Variants in NTM observed in about 807,000 individuals in gnomAD.
NTM encodes neurotrimin, also known as IgLON family member 2.
NTM carries 13 observed loss-of-function variants against 42.1 expected under a neutral mutation model. The ratio of observed to expected loss-of-function variants is 0.31; its 90% CI spans 0.20 to 0.49. NTM has a LOEUF of 0.49. NTM is among the 20% of genes least tolerant of loss of function. The probability of loss-of-function intolerance (pLI) is 0.99; values close to 1 mark genes in which losing one functional copy is unlikely to be tolerated. For synonymous variants in NTM, 187 were observed against 179.2 expected, an observed-to-expected ratio of 1.04 and a Z score of -0.35; for missense variants, 373 against 452.8, an observed-to-expected ratio of 0.82 and a Z score of 1.60.
chr11:131,851,137 T>G (rs78303680), intron 1 of NTM, among the ~76,000 whole-genome samples: 2,248 of 152,244 alleles, frequency 0.015, 51 homozygotes, highest in African/African-American at 0.05. Flanking sequence ...TATTATGAGT[T>G]CAGGTCATAT....
chr11:131,910,984 G>A, intron 1 of NTM: 18 of 997,482 alleles, frequency 1.8e-5, no homozygotes, highest in Non-Finnish European at 2.2e-5. Context: ...TTGTTTTCCG[G>A]TGGCGAGCCC....
chr11:131,445,146 TA>T (rs1363043428), intron 1 of NTM, among the ~76,000 whole-genome samples: 2 of 152,232 alleles, frequency 1.3e-5, no homozygotes, highest in African/African-American at 4.8e-5. Flanking sequence ...GAATTAGTGA[TA>T]ATATTTAACT....
At chr11:132,059,022 A>C (rs914143034) in intron 2 of NTM, among the ~76,000 whole-genome samples, 1 of 152,346 alleles carries the variant, frequency 6.6e-6, no homozygotes, top group Non-Finnish European at 1.5e-5. Flanking sequence ...TCCTTTCACA[A>C]AAGTTTTAAG....
At chr11:131,966,120 G>A (rs932968496) in intron 2 of NTM, among the ~76,000 whole-genome samples, 2 of 152,164 alleles carry the variant, frequency 1.3e-5, no homozygotes, top group East Asian at 1.9e-4. Flanking sequence ...TTGCATTTGT[G>A]TGATAAAAAA....
intron 4 of NTM, among the ~76,000 whole-genome samples, chr11:132,227,638 G>A (rs774517372): frequency 6.6e-6 from 1 of 152,104 alleles, no homozygotes; most frequent in Non-Finnish European, 1.5e-5. Flanking sequence ...ATTGGCCTCT[G>A]CTTTTTGAGC....
At chr11:131,773,942 AAG>A in intron 1 of NTM, 1 of 915,656 alleles carries the variant, frequency 1.1e-6, no homozygotes, top group Non-Finnish European at 1.3e-6. Context: ...CAATTCCCAC[AAG>A]TGTGTTAAAG....
At chr11:131,475,735 T>A (rs906103004) in intron 1 of NTM, among the ~76,000 whole-genome samples, 2 of 152,180 alleles carry the variant, frequency 1.3e-5, no homozygotes, top group Non-Finnish European at 2.9e-5. Flanking sequence ...AGATTGTTTG[T>A]TTAATGGGAT....
intron 3 of NTM, among the ~76,000 whole-genome samples, chr11:132,208,764 C>T (rs762955190): frequency 2.6e-5 from 4 of 152,214 alleles, no homozygotes; most frequent in African/African-American, 4.8e-5. Context: ...ACTTTAAGCA[C>T]ACTTCCAACT....
chr11:131,663,707 C>T (rs1272288657), intron 1 of NTM: 1 of 152,212 alleles, frequency 6.6e-6, no homozygotes, highest in Non-Finnish European at 1.5e-5. Flanking sequence ...GGTTCCCACT[C>T]TCTCTTTGGA....
intron 2 of NTM, among the ~76,000 whole-genome samples, chr11:131,934,736 G>T (rs1264022016): frequency 6.6e-6 from 1 of 152,208 alleles, no homozygotes; most frequent in African/African-American, 2.4e-5. Context: ...GGCCCAGCAA[G>T]GATCTGAGAG....
chr11:131,419,736 G>A (rs1485868396), intron 1 of NTM, among the ~76,000 whole-genome samples: 4 of 152,160 alleles, frequency 2.6e-5, no homozygotes, highest in Admixed American at 2.0e-4. Flanking sequence ...ATTGGAGGGA[G>A]GGATGGAGGT....
intron 2 of NTM, among the ~76,000 whole-genome samples, chr11:131,980,604 A>T (rs188562630): frequency 6.6e-6 from 1 of 152,342 alleles, no homozygotes; most frequent in African/African-American, 2.4e-5. Context: ...CCACACTTTC[A>T]AAAACAAGTG....
intron 1 of NTM, among the ~76,000 whole-genome samples, chr11:131,630,608 C>T (rs2063557627): frequency 6.6e-6 from 1 of 152,148 alleles, no homozygotes; most frequent in South Asian, 2.1e-4. Flanking sequence ...ATGTGATCTA[C>T]AGTCAGAGGA....
At chr11:131,959,870 G>T (rs529448972) in intron 2 of NTM, among the ~76,000 whole-genome samples, 1 of 152,272 alleles carries the variant, frequency 6.6e-6, no homozygotes, top group African/African-American at 2.4e-5. Flanking sequence ...AGACAATCAT[G>T]GTCCAGGTGA....
chr11:132,046,562 A>C (rs2078030219), intron 2 of NTM, among the ~76,000 whole-genome samples: 1 of 152,206 alleles, frequency 6.6e-6, no homozygotes, highest in African/African-American at 2.4e-5. Flanking sequence ...ATAAAAAATT[A>C]AGCAGCAAGC....
intron 4 of NTM, among the ~76,000 whole-genome samples, chr11:132,214,957 C>A (rs1443563343): frequency 1.3e-5 from 2 of 152,210 alleles, no homozygotes; most frequent in African/African-American, 4.8e-5. Context: ...CAGAACTCAC[C>A]AGAGTGCCAT....
In NTM at chr11:131,916,599, G is replaced by C. The variant is rs145766129; in HGVS notation, c.167+4951G>C. On this transcript the variant is annotated intron_variant, in intron 2 of 8. Transcript: ENST00000683400. ...GAGAGGACGCGGGAGTCACCCTCTA[G>C]ATGAAGGAAGCTGCGGCACTTTGCT... is the stretch of plus-strand genomic sequence containing the variant. Among the ~76,000 whole-genome samples, 24 of 152,278 alleles carry C rather than the reference G, an allele frequency of 1.6e-4. No homozygotes were observed. In the East Asian group the frequency reaches 4.6e-3, roughly 29 times the overall value.
intron 1 of NTM, among the ~76,000 whole-genome samples, chr11:131,423,418 C>T (rs927292658): frequency 1.3e-5 from 2 of 152,156 alleles, no homozygotes; most frequent in African/African-American, 4.8e-5. Flanking sequence ...TTCAGCACCC[C>T]CAAACATCTG....
chr11:131,668,114 G>A (rs1266903425), intron 1 of NTM, among the ~76,000 whole-genome samples: 1 of 152,180 alleles, frequency 6.6e-6, no homozygotes, highest in African/African-American at 2.4e-5. Flanking sequence ...CACATGAGAA[G>A]AAGCAGGATT....
Sources: allele counts gnomAD v4.1 joint callset (sites outside exome capture counted in the v4.1 genomes callset), GRCh38; gene constraint gnomAD v4.1.1; transcripts MANE v1.5; gene names NCBI Gene and HGNC (gene_info 2026-07-23, HGNC 2026-07-21).